The following AMPH variants were observed in gnomAD, a reference collection of about 807,000 sequenced individuals.
AMPH encodes amphiphysin (Stiff-Mann syndrome with breast cancer 128kD autoantigen).
AMPH carries 49 observed loss-of-function variants against 99.1 expected under a neutral mutation model. That is an observed-to-expected ratio of 0.49 (90% confidence interval 0.39 to 0.63). The LOEUF is 0.63. Ranked by LOEUF, AMPH falls within the 20% of genes least tolerant of loss-of-function variation. The pLI, the probability that AMPH is intolerant of heterozygous loss-of-function variation, is 0.00. For missense variants in AMPH, 759 were observed against 863.4 expected (o/e 0.88, Z 1.52); for synonymous variants, 314 against 317.3 (o/e 0.99, Z 0.11).
intron 2 of AMPH, among the ~76,000 whole-genome samples, chr7:38,525,192 C>A (rs1790118356): frequency 1.4e-5 from 2 of 146,806 alleles, no homozygotes; most frequent in Admixed American, 6.9e-5. Context: ...TATATATACA[C>A]AATCTTATAT....
In AMPH at chr7:38,464,227, A is replaced by G. The variant is rs191784840; in HGVS notation, c.750-1114T>C. 18 of 906,892 alleles carry G rather than the reference A, an allele frequency of 2.0e-5. No individual in the cohort carries two copies. In the African/African-American group the frequency reaches 2.9e-4, roughly 15 times the overall value. The allele number at this position is 906,892 out of a possible 1,614,324, so 56.2% of individuals were successfully genotyped here. The stretch of plus-strand genomic sequence containing the variant: ...GAATTTGTCCCTTTCATTTCCATGT[A>G]AGGGAACAACCCTAAATTTTTTCAT... On this transcript the variant is annotated intron_variant, in intron 9 of 20. Transcript: ENST00000356264.
intron 3 of AMPH, 30 bp downstream of exon 3, chr7:38,503,620 A>G (rs752724414): frequency 1.2e-6 from 2 of 1,608,412 alleles, no homozygotes; most frequent in Non-Finnish European, 1.7e-6. Context: ...TGTGCTAAGT[A>G]ACATGCAGTA....
intron 12 of AMPH, among the ~76,000 whole-genome samples, chr7:38,435,712 C>T (rs376877069): frequency 6.6e-6 from 1 of 151,968 alleles, no homozygotes; most frequent in South Asian, 2.1e-4. Context: ...AGCAAAAAGG[C>T]TTGGGGAAGC....
At chr7:38,480,109 C>T (rs1173709039) in intron 5 of AMPH, among the ~76,000 whole-genome samples, 1 of 151,986 alleles carries the variant, frequency 6.6e-6, no homozygotes, top group Non-Finnish European at 1.5e-5. Flanking sequence ...GGCATTGTCA[C>T]ATCTGATGGA....
intron 1 of AMPH, among the ~76,000 whole-genome samples, chr7:38,541,620 C>T (rs956046502): frequency 2.6e-5 from 4 of 152,152 alleles, no homozygotes; most frequent in Non-Finnish European, 5.9e-5. Context: ...CTGGCATGAG[C>T]CTTCCTGCCA....
chr7:38,469,574 T>C (rs866586313), intron 7 of AMPH, among the ~76,000 whole-genome samples: 1 of 152,152 alleles, frequency 6.6e-6, no homozygotes, highest in African/African-American at 2.4e-5. Context: ...AGTTTTTTCC[T>C]AGCTCTCTTC....
chr7:38,598,076 T>G (rs1441685738), intron 1 of AMPH, among the ~76,000 whole-genome samples: 1 of 152,250 alleles, frequency 6.6e-6, no homozygotes, highest in Non-Finnish European at 1.5e-5. Flanking sequence ...ATAGATTTAT[T>G]GAATGATTCT....
chr7:38,473,217 T>C (rs1294350144), intron 7 of AMPH, among the ~76,000 whole-genome samples: 2 of 152,148 alleles, frequency 1.3e-5, no homozygotes, highest in East Asian at 1.9e-4. Flanking sequence ...TTAGAAATCA[T>C]AAAAAATTCC....
Position 38,400,221 on chromosome 7 carries a change from AC to A in AMPH, c.1399-6008del, listed in dbSNP as rs528884910. On this transcript the variant is annotated intron_variant, in intron 17 of 20. Transcript: ENST00000356264. ...CTCCCGAGTAGCTGGGATTACAGGC[AC>A]CTGCCACCACACCTGGCTAATTTTT... Among the ~76,000 whole-genome samples the A allele has an allele frequency of 4.1e-4, 62 of 152,206 alleles. No homozygotes were observed. The East Asian group carries it at 0.012, about 29-fold the overall frequency.
rs1029023722 is a variant in AMPH at position 38,549,292 on chromosome 7, G to A, written c.70-14281C>T. Among the ~76,000 whole-genome samples, 18 of 152,302 alleles carry A rather than the reference G, an allele frequency of 1.2e-4. 1 individual carries two copies. The highest frequency in any genetic ancestry group is 8.3e-4 in the South Asian group (4 of 4,828). Reference sequence around the variant, plus strand: ...TAAGATGTTGATTTTCCTCCATTGAGAATGCAAGGCAATCACAACCAATTT... The same window carrying A: ...TAAGATGTTGATTTTCCTCCATTGAAAATGCAAGGCAATCACAACCAATTT... On this transcript the variant is annotated intron_variant, in intron 1 of 20. Transcript: ENST00000356264.
chr7:38,620,199 T>C (rs1364504871), intron 1 of AMPH, among the ~76,000 whole-genome samples: 1 of 152,072 alleles, frequency 6.6e-6, no homozygotes, highest in Non-Finnish European at 1.5e-5. Context: ...AATAATCAAG[T>C]CAATACCCAT....
chr7:38,474,304 TAGAG>T (rs1287818413), intron 7 of AMPH, among the ~76,000 whole-genome samples: 1 of 151,646 alleles, frequency 6.6e-6, no homozygotes, highest in Non-Finnish European at 1.5e-5. Context: ...AATGCAGATG[TAGAG>T]AGAATGAGTA....
At chr7:38,460,320 C>G (rs1472612941) in intron 11 of AMPH, among the ~76,000 whole-genome samples, 1 of 152,126 alleles carries the variant, frequency 6.6e-6, no homozygotes. Flanking sequence ...ACCATAAGAT[C>G]CAGCAATCCC....
At position 38,406,731 on chromosome 7, in the gene AMPH, C is replaced by CTCTCTCTCTCT. The variant is rs1562732477; in HGVS notation, c.1398+11093_1398+11094insAGAGAGAGAGA. On this transcript the variant is annotated intron_variant, in intron 17 of 20. Transcript: ENST00000356264. ...CTCCTCTCCTCTCTCTCTCCCTTTC[C>CTCTCTCTCTCT]CTCTCTCTCTCTCTCTCTCTCTCTC... is the stretch of plus-strand genomic sequence containing the variant. Among the ~76,000 whole-genome samples the CTCTCTCTCTCT allele has an allele frequency of 5.8e-3, 470 of 80,584 alleles. 65 individuals are homozygous for CTCTCTCTCTCT. Among genetic ancestry groups the CTCTCTCTCTCT allele is most frequent in the East Asian group, 0.021 (51 of 2,412 alleles). 52.9% of individuals were successfully genotyped at this position (80,584 alleles called of 152,430 possible).
chr7:38,465,595 G>T (rs1312207639), intron 8 of AMPH, 46 bp from the exon 9 acceptor site: 3 of 1,512,414 alleles, frequency 2.0e-6, no homozygotes, highest in Non-Finnish European at 2.7e-6. Context: ...TGTCATTCTG[G>T]TGCCAATTCA....
At chr7:38,462,231 T>C (rs1338400732) in intron 10 of AMPH, among the ~76,000 whole-genome samples, 1 of 152,220 alleles carries the variant, frequency 6.6e-6, no homozygotes, top group Admixed American at 6.5e-5. Flanking sequence ...GCGTTTAAGG[T>C]AGGCTGGGCT....
chr7:38,611,935 T>A (rs1249669362), intron 1 of AMPH, among the ~76,000 whole-genome samples: 1 of 152,152 alleles, frequency 6.6e-6, no homozygotes, highest in Admixed American at 6.6e-5. Flanking sequence ...CCTTTGGGTG[T>A]TAATCCTCAA....
intron 1 of AMPH, among the ~76,000 whole-genome samples, chr7:38,550,373 C>T (rs1791137978): frequency 6.6e-6 from 1 of 152,170 alleles, no homozygotes; most frequent in South Asian, 2.1e-4. Context: ...AACTCAATGT[C>T]AAGCCCTACA....
At chr7:38,409,583 G>A (rs114890942) in intron 17 of AMPH, among the ~76,000 whole-genome samples, 474 of 152,192 alleles carry the variant, frequency 3.1e-3, no homozygotes, top group African/African-American at 0.011. Flanking sequence ...ACATTTATGC[G>A]CTTTTTTTCT....
Sources: allele counts gnomAD v4.1 joint callset (sites outside exome capture counted in the v4.1 genomes callset), GRCh38; gene constraint gnomAD v4.1.1; transcripts MANE v1.5; gene names NCBI Gene and HGNC (gene_info 2026-07-23, HGNC 2026-07-21).